The following CLVS1 variants were observed in gnomAD, a reference collection of about 807,000 sequenced individuals.
The protein encoded by CLVS1 is clavesin-1.
CLVS1 carries 10 observed loss-of-function variants against 33.1 expected under a neutral mutation model. The ratio of observed to expected loss-of-function variants is 0.30; its 90% CI spans 0.19 to 0.51. The LOEUF is 0.51. Among genes scored for constraint, CLVS1 ranks in the 20% least tolerant of loss-of-function variants. The probability of loss-of-function intolerance (pLI) is 0.97; values close to 1 mark genes in which losing one functional copy is unlikely to be tolerated. For missense variants in CLVS1, 343 were observed against 433.4 expected (o/e 0.79, Z 1.85); for synonymous variants, 163 against 166.1 (o/e 0.98, Z 0.14).
At chr8:61,196,529 G>C (rs758394299) in intron 2 of CLVS1, among the ~76,000 whole-genome samples, 3 of 152,152 alleles carry the variant, frequency 2.0e-5, no homozygotes, top group Non-Finnish European at 2.9e-5. Flanking sequence ...GGAAGCCCAG[G>C]GTTGGCTTAG....
chr8:61,469,416 A>C (rs1817662813), intron 5 of CLVS1, among the ~76,000 whole-genome samples: 2 of 152,270 alleles, frequency 1.3e-5, no homozygotes, highest in South Asian at 2.1e-4. Flanking sequence ...ACGGTGAGCC[A>C]TCTGATCTTG....
At chr8:61,046,941 G>A in the CLVS1 span, among the ~76,000 whole-genome samples, 76 of 152,022 alleles carry the variant, frequency 5.0e-4, no homozygotes, top group African/African-American at 1.6e-3. Context: ...GCAAACAGGG[G>A]CAATTTGACT....
At chr8:61,302,528 A>G (rs1460954317) in intron 2 of CLVS1, among the ~76,000 whole-genome samples, 1 of 152,244 alleles carries the variant, frequency 6.6e-6, no homozygotes, top group Non-Finnish European at 1.5e-5. Context: ...TGGTGCAAAC[A>G]TATAGATGGC....
intron 3 of CLVS1, among the ~76,000 whole-genome samples, chr8:61,408,938 C>T (rs1273038012): frequency 6.6e-6 from 1 of 152,140 alleles, no homozygotes; most frequent in Non-Finnish European, 1.5e-5. Context: ...GACAGAACAC[C>T]TCAAATCCTC....
At chr8:61,231,306 A>ACACACACACACT (rs1018645839) in intron 2 of CLVS1, among the ~76,000 whole-genome samples, 61 of 151,226 alleles carry the variant, frequency 4.0e-4, no homozygotes, top group African/African-American at 1.5e-3. Flanking sequence ...ACACACACAC[A>ACACACACACACT]CTCTAATATT....
At chr8:61,497,502 A>T (rs1804309956) in intron 5 of CLVS1, among the ~76,000 whole-genome samples, 1 of 150,342 alleles carries the variant, frequency 6.7e-6, no homozygotes, top group Admixed American at 6.7e-5. Context: ...TTAACAGCTC[A>T]GTCCTCAGCC....
rs542681557 is a variant in CLVS1, at chr8:61,234,059, G to A, written c.-151-65618G>A. ...TTTTCTTCTTTCCCTGCCCTACTTG[G>A]GAAGGGATGATGGGAGGGGCTGAGG... On this transcript the variant is annotated intron_variant, in intron 2 of 2. Coordinates refer to the CLVS1 transcript ENST00000522621. 2.6e-5 allele frequency among the ~76,000 whole-genome samples: 4 copies of A among 152,294 alleles called. No homozygotes were observed. The East Asian group carries it at 7.7e-4, about 29-fold the overall frequency.
At chr8:61,192,777 C>G (rs1224404300) in intron 2 of CLVS1, among the ~76,000 whole-genome samples, 5 of 152,176 alleles carry the variant, frequency 3.3e-5, no homozygotes, top group East Asian at 1.9e-4. Context: ...AAATGCTCAT[C>G]ATCACTGGCC....
At chr8:61,231,927 T>G (rs1808440326) in intron 2 of CLVS1, among the ~76,000 whole-genome samples, 1 of 151,098 alleles carries the variant, frequency 6.6e-6, no homozygotes, top group Non-Finnish European at 1.5e-5. Context: ...GTGGGCACAG[T>G]GCCCTCTATG....
the CLVS1 span, among the ~76,000 whole-genome samples, chr8:61,041,836 T>G: frequency 2.6e-5 from 4 of 152,196 alleles, no homozygotes; most frequent in Non-Finnish European, 5.9e-5. Context: ...GACTTCTTTT[T>G]CTATTTGGAT....
chr8:61,037,837 C>G, the CLVS1 span, among the ~76,000 whole-genome samples: 1 of 152,154 alleles, frequency 6.6e-6, no homozygotes, highest in Non-Finnish European at 1.5e-5. Context: ...TGGCATTTAT[C>G]ATTATTCATG....
chr8:61,256,519 A>G (rs1427400088), intron 2 of CLVS1, among the ~76,000 whole-genome samples: 1 of 152,224 alleles, frequency 6.6e-6, no homozygotes, highest in Non-Finnish European at 1.5e-5. Flanking sequence ...TCTCAAAAAC[A>G]AAAAACAAAA....
chr8:61,131,695 C>T (rs140305901), intron 1 of CLVS1: 6 of 150,280 alleles, frequency 4.0e-5, no homozygotes, highest in African/African-American at 7.4e-5. Context: ...CTTTAACCAT[C>T]GCTACTCAAG....
chr8:61,341,906 T>C (rs1190810736), intron 2 of CLVS1, among the ~76,000 whole-genome samples: 1 of 152,198 alleles, frequency 6.6e-6, no homozygotes, highest in African/African-American at 2.4e-5. Context: ...TGCCATTTCC[T>C]CCAGGGGCTT....
chr8:61,184,421 C>T (rs368874786), intron 2 of CLVS1, among the ~76,000 whole-genome samples: 3 of 152,332 alleles, frequency 2.0e-5, no homozygotes, highest in African/African-American at 7.2e-5. Context: ...GCCTCACTCA[C>T]AGCACTGCTT....
the CLVS1 span, among the ~76,000 whole-genome samples, chr8:61,022,460 T>C: frequency 6.6e-6 from 1 of 152,186 alleles, no homozygotes; most frequent in East Asian, 1.9e-4. Context: ...ATTTATATTT[T>C]TAATTGTGTG....
At chr8:61,245,539 C>T (rs1808788413) in intron 2 of CLVS1, among the ~76,000 whole-genome samples, 1 of 151,886 alleles carries the variant, frequency 6.6e-6, no homozygotes, top group Non-Finnish European at 1.5e-5. Context: ...TTAAATCTGA[C>T]ATCTTTTATA....
At chr8:61,418,427 C>T (rs1370060808) in intron 3 of CLVS1, among the ~76,000 whole-genome samples, 1 of 152,144 alleles carries the variant, frequency 6.6e-6, no homozygotes, top group South Asian at 2.1e-4. Context: ...TGTTACCTAA[C>T]AAAGCCAAAT....
At chr8:61,153,522 G>A (rs567034832) in intron 2 of CLVS1, among the ~76,000 whole-genome samples, 46 of 152,306 alleles carry the variant, frequency 3.0e-4, no homozygotes, top group African/African-American at 1.1e-3. Context: ...GTGCTGCTTT[G>A]TTTTGTTTTT....
Sources: allele counts gnomAD v4.1 joint callset (sites outside exome capture counted in the v4.1 genomes callset), GRCh38; gene constraint gnomAD v4.1.1; transcripts MANE v1.5; gene names NCBI Gene and HGNC (gene_info 2026-07-23, HGNC 2026-07-21).